ZNF248: variants seen among roughly 807,000 people sequenced by gnomAD.
ZNF248 encodes the protein KRAB protein domain.
Under a neutral mutation model 44.3 loss-of-function variants are expected in ZNF248, and 20 were observed. The ratio of observed to expected loss-of-function variants is 0.45; its 90% CI spans 0.32 to 0.66. The LOEUF (loss-of-function observed/expected upper bound fraction) is 0.66, where lower values mean the gene tolerates loss of function less well. ZNF248 is among the 30% of genes least tolerant of loss of function. ZNF248 has a pLI of 0.04. For synonymous variants in ZNF248, 224 were observed against 229.0 expected, an observed-to-expected ratio of 0.98 and a Z score of 0.20; for missense variants, 654 against 677.0, an observed-to-expected ratio of 0.97 and a Z score of 0.38.
the ZNF248 span, among the ~76,000 whole-genome samples, chr10:37,767,567 T>C: frequency 0.06 from 9,101 of 152,148 alleles, 352 homozygotes; most frequent in Middle Eastern, 0.095. Context: ...TACAGACAAG[T>C]AAATGCTGAG....
intron 6 of ZNF248, among the ~76,000 whole-genome samples, chr10:37,778,107 C>A (rs2046816027): frequency 6.6e-6 from 1 of 152,156 alleles, no homozygotes; most frequent in Non-Finnish European, 1.5e-5. Flanking sequence ...TGAGGAATCG[C>A]CACACTGACT....
intron 6 of ZNF248, among the ~76,000 whole-genome samples, chr10:37,793,239 G>A (rs2048768254): frequency 1.3e-5 from 2 of 152,098 alleles, no homozygotes; most frequent in Non-Finnish European, 2.9e-5. Context: ...GGAGGCTGAG[G>A]CAGCAGAATT....
chr10:37,784,955 T>C (rs1444766648), intron 6 of ZNF248, among the ~76,000 whole-genome samples: 1 of 152,166 alleles, frequency 6.6e-6, no homozygotes, highest in Non-Finnish European at 1.5e-5. Flanking sequence ...ATTATACAAT[T>C]TGCGTCTCCT....
At chr10:37,772,987 C>T (rs2046323255), downstream of ZNF248, among the ~76,000 whole-genome samples, 1 of 151,706 alleles carries the variant, frequency 6.6e-6, no homozygotes, top group African/African-American at 2.4e-5. Context: ...ACGTGACTAT[C>T]AAAGGAAAAA....
intron 6 of ZNF248, chr10:37,820,881 T>C: frequency 7.5e-7 from 1 of 1,325,088 alleles, no homozygotes; most frequent in Non-Finnish European, 1.1e-6. Context: ...ATATTTATTG[T>C]TTTTTCCTCT....
intron 3 of ZNF248, among the ~76,000 whole-genome samples, chr10:37,841,904 G>T (rs1326697288): frequency 6.6e-6 from 1 of 152,092 alleles, no homozygotes; most frequent in Non-Finnish European, 1.5e-5. Flanking sequence ...AACTGTCAGG[G>T]TTATCAAAAA....
chr10:37,788,885 T>C (rs1314917865), intron 6 of ZNF248, among the ~76,000 whole-genome samples: 1 of 152,044 alleles, frequency 6.6e-6, no homozygotes, highest in African/African-American at 2.4e-5. Flanking sequence ...ACTTTTTTTT[T>C]TTTTGAGACA....
chr10:37,809,288 T>TTATA (rs1165340381), intron 6 of ZNF248, among the ~76,000 whole-genome samples: 1 of 152,006 alleles, frequency 6.6e-6, no homozygotes, highest in Non-Finnish European at 1.5e-5. Context: ...TATTGTTTAT[T>TTATA]TATTTTTGAG....
chr10:37,793,468 G>A (rs890984287), intron 6 of ZNF248, among the ~76,000 whole-genome samples: 11 of 151,902 alleles, frequency 7.2e-5, no homozygotes, highest in African/African-American at 2.7e-4. Context: ...CATCTAATTA[G>A]GCCAAAAAAA....
At position 37,830,471 on chromosome 10, in the gene ZNF248, T is replaced by C; in HGVS notation, c.*1144A>G. On this transcript the variant is annotated 3_prime_UTR_variant, in exon 6 of 6. Transcript: ENST00000395867. Reference sequence around the variant, plus strand: ...ATTTAGAGTAGGACAGATTCAGAGGTAGTTAAAAACCTCACGGAAATATTT... The same window carrying C: ...ATTTAGAGTAGGACAGATTCAGAGGCAGTTAAAAACCTCACGGAAATATTT... The C allele has an allele frequency of 1.0e-6, 1 of 985,310 alleles. No homozygotes were observed. Among genetic ancestry groups the C allele is most frequent in the Non-Finnish European group, 1.2e-6 (1 of 829,908 alleles). The allele number at this position is 985,310 out of a possible 1,614,324, so 61.0% of individuals were successfully genotyped here.
intron 6 of ZNF248, among the ~76,000 whole-genome samples, chr10:37,779,737 A>G (rs1284682220): frequency 2.6e-5 from 4 of 151,060 alleles, no homozygotes; most frequent in Non-Finnish European, 4.4e-5. Context: ...CCCTGTTTGC[A>G]GACGACATGA....
At chr10:37,848,589 A>G (rs1466084331) in intron 3 of ZNF248, among the ~76,000 whole-genome samples, 1 of 150,404 alleles carries the variant, frequency 6.6e-6, no homozygotes, top group East Asian at 1.9e-4. Context: ...TCCGTCTCAA[A>G]AAAAAAAAAA....
At chr10:37,840,220 T>C (rs1415623204) in intron 3 of ZNF248, among the ~76,000 whole-genome samples, 1 of 152,202 alleles carries the variant, frequency 6.6e-6, no homozygotes. Flanking sequence ...CTGCAAAAGA[T>C]GCTTCTACAA....
chr10:37,829,397 G>C lies in ZNF248; in HGVS notation c.*2218C>G. The C allele has an allele frequency of 1.0e-6, 1 of 985,386 alleles. No homozygotes were observed. The highest frequency in any genetic ancestry group is 4.7e-5 in the South Asian group (1 of 21,280). 61.0% of individuals were successfully genotyped at this position (985,386 alleles called of 1,614,324 possible). The stretch of plus-strand genomic sequence containing the variant: ...AGTTGGAGAATTCTGTTTTCCACCA[G>C]AAAGAACCATGGCTGATACAAACAG... On this transcript the variant is annotated 3_prime_UTR_variant, in exon 6 of 6. Coordinates refer to ENST00000395867, the MANE Select transcript of ZNF248 (RefSeq NM_021045.3).
At chr10:37,793,197 T>C (rs1564476205) in intron 6 of ZNF248, among the ~76,000 whole-genome samples, 1 of 151,898 alleles carries the variant, frequency 6.6e-6, no homozygotes, top group Non-Finnish European at 1.5e-5. Context: ...TACCCAGGCA[T>C]GGTGGCACAT....
At chr10:37,802,205 G>A (rs763246264) in intron 6 of ZNF248, among the ~76,000 whole-genome samples, 4 of 152,062 alleles carry the variant, frequency 2.6e-5, no homozygotes, top group Admixed American at 6.5e-5. Context: ...TAAACAACTC[G>A]CCTGGGATCT....
rs1177437940 is a variant in ZNF248 at position 37,831,248 on chromosome 10, T to C, written c.*367A>G. The C allele has an allele frequency of 6.5e-7, 1 of 1,549,356 alleles. No homozygotes were observed. Among genetic ancestry groups the C allele is most frequent in the African/African-American group, 1.4e-5 (1 of 73,098 alleles). ...CATACTCACATAAGGTCTACAAACA[T>C]CGGGGACTCTTCACATATATGTTTA... On this transcript the variant is annotated 3_prime_UTR_variant, in exon 6 of 6. Coordinates refer to ENST00000395867, the MANE Select transcript of ZNF248 (RefSeq NM_021045.3).
At chr10:37,837,491 C>A (rs897195002) in intron 5 of ZNF248, 126 bp downstream of exon 5, 3 of 722,868 alleles carry the variant, frequency 4.2e-6, no homozygotes, top group Admixed American at 2.8e-5. Flanking sequence ...TGTTTTTGAT[C>A]ATTTCCAAAG....
rs1402764198 is a variant in ZNF248, at chr10:37,831,578, A to T, written c.*37T>A. ...CTCTGATCTCCTTTTTTGAAACTGT[A>T]TAACCAATTTCACAAGTGTATGAAG... is the stretch of plus-strand genomic sequence containing the variant. On this transcript the variant is annotated 3_prime_UTR_variant, in exon 6 of 6. Transcript: ENST00000395867. 2 of 1,589,484 alleles carry T rather than the reference A, an allele frequency of 1.3e-6. No homozygotes were observed. Among genetic ancestry groups the T allele is most frequent in the Admixed American group, 1.8e-5 (1 of 56,034 alleles).
Sources: gnomAD v4.1 joint callset for allele counts (sites outside exome capture counted in the v4.1 genomes callset) on GRCh38, gnomAD v4.1.1 for gene constraint, MANE v1.5 for transcripts, NCBI Gene and HGNC (gene_info 2026-07-23, HGNC 2026-07-21) for gene names.